Variants in MARCHF1 observed in about 807,000 individuals in gnomAD.
MARCHF1 encodes E3 ubiquitin-protein ligase MARCHF1.
MARCHF1 carries 40 observed loss-of-function variants against 54.2 expected under a neutral mutation model. The ratio of observed to expected loss-of-function variants is 0.74; its 90% confidence interval spans 0.57 to 0.96. The LOEUF (loss-of-function observed/expected upper bound fraction) is 0.96. Ranked by LOEUF, MARCHF1 falls within the 40% of genes least tolerant of loss-of-function variation. The pLI is 0.00. For synonymous variants in MARCHF1, 236 were observed against 236.3 expected (o/e 1.00, Z 0.01); for missense variants, 586 against 656.5 (o/e 0.89, Z 1.17).
chr4:164,032,013 T>C (rs142357077), intron 2 of MARCHF1, among the ~76,000 whole-genome samples: 2 of 152,266 alleles, frequency 1.3e-5, no homozygotes, highest in South Asian at 4.1e-4. Flanking sequence ...TTTCAGAACT[T>C]TTTATTGGAC....
intron 1 of MARCHF1, among the ~76,000 whole-genome samples, chr4:164,266,959 G>T (rs1733625804): frequency 6.6e-6 from 1 of 152,170 alleles, no homozygotes; most frequent in South Asian, 2.1e-4. Context: ...TACTGAATAA[G>T]CTGCTAAGGT....
At chr4:164,050,706 G>T (rs1754345965) in intron 2 of MARCHF1, among the ~76,000 whole-genome samples, 1 of 152,126 alleles carries the variant, frequency 6.6e-6, no homozygotes, top group South Asian at 2.1e-4. Flanking sequence ...GCTAAGGCGG[G>T]CGGATCACCT....
At chr4:163,918,246 T>G (rs1233332970) in intron 3 of MARCHF1, among the ~76,000 whole-genome samples, 1 of 152,104 alleles carries the variant, frequency 6.6e-6, no homozygotes, top group Non-Finnish European at 1.5e-5. Context: ...TGGACCATTT[T>G]TAATAGATTT....
At chr4:163,984,895 G>A (rs531581933) in intron 3 of MARCHF1, among the ~76,000 whole-genome samples, 1 of 152,082 alleles carries the variant, frequency 6.6e-6, no homozygotes, top group African/African-American at 2.4e-5. Flanking sequence ...AACCAGAAAA[G>A]AAAAAGAAAT....
chr4:163,964,668 C>T (rs1423275140), intron 3 of MARCHF1, among the ~76,000 whole-genome samples: 1 of 151,392 alleles, frequency 6.6e-6, no homozygotes, highest in African/African-American at 2.4e-5. Context: ...ACTTTCTTAT[C>T]CTCTGCTTCT....
chr4:164,125,430 C>T (rs1453162420), intron 1 of MARCHF1, among the ~76,000 whole-genome samples: 1 of 152,112 alleles, frequency 6.6e-6, no homozygotes, highest in Non-Finnish European at 1.5e-5. Flanking sequence ...ACACAATATA[C>T]TTCATTGAGG....
chr4:164,311,547 T>C (rs1469363874), intron 1 of MARCHF1, among the ~76,000 whole-genome samples: 1 of 152,208 alleles, frequency 6.6e-6, no homozygotes, highest in African/African-American at 2.4e-5. Flanking sequence ...CAATACGACA[T>C]TTAAAAAGAA....
intron 4 of MARCHF1, among the ~76,000 whole-genome samples, chr4:163,718,703 T>G (rs1462017126): frequency 1.3e-5 from 2 of 152,178 alleles, no homozygotes; most frequent in Non-Finnish European, 2.9e-5. Flanking sequence ...TTATACTTTG[T>G]TTTTTCCAAG....
intron 8 of MARCHF1, among the ~76,000 whole-genome samples, chr4:163,579,566 T>C (rs1336504657): frequency 1.3e-5 from 2 of 152,224 alleles, no homozygotes; most frequent in African/African-American, 4.8e-5. Flanking sequence ...AAATTTGTTG[T>C]GAAAAACTTA....
intron 1 of MARCHF1, among the ~76,000 whole-genome samples, chr4:164,272,931 G>A (rs1317818449): frequency 6.6e-6 from 1 of 151,872 alleles, no homozygotes; most frequent in East Asian, 1.9e-4. Context: ...TTAAGTAGAT[G>A]TATGTACATG....
At chr4:164,114,563 T>G (rs901308782) in intron 1 of MARCHF1, among the ~76,000 whole-genome samples, 1 of 151,680 alleles carries the variant, frequency 6.6e-6, no homozygotes, top group Non-Finnish European at 1.5e-5. Flanking sequence ...AATGCTGTGT[T>G]AAAATTTGCT....
At chr4:163,906,880 T>C (rs1751080790) in intron 3 of MARCHF1, among the ~76,000 whole-genome samples, 1 of 151,926 alleles carries the variant, frequency 6.6e-6, no homozygotes, top group South Asian at 2.1e-4. Context: ...ACTAATGTTA[T>C]TGTATGCTTT....
chr4:164,029,006 TGAG>T (rs1753824552), intron 2 of MARCHF1, among the ~76,000 whole-genome samples: 1 of 152,202 alleles, frequency 6.6e-6, no homozygotes, highest in Non-Finnish European at 1.5e-5. Flanking sequence ...ATATGATACT[TGAG>T]GTGATTTTCT....
chr4:163,716,692 C>T (rs1034386115), intron 4 of MARCHF1, among the ~76,000 whole-genome samples: 2 of 152,166 alleles, frequency 1.3e-5, no homozygotes, highest in Admixed American at 1.3e-4. Flanking sequence ...CACCAGTGGG[C>T]AGCTGGCAGG....
chr4:164,059,350 C>T (rs551709339), intron 2 of MARCHF1, among the ~76,000 whole-genome samples: 2 of 152,206 alleles, frequency 1.3e-5, no homozygotes, highest in African/African-American at 2.4e-5. Context: ...CTCTTAGCAA[C>T]GTGATATGCA....
chr4:163,706,197 T>C (rs142437674), intron 4 of MARCHF1, among the ~76,000 whole-genome samples: 4 of 152,168 alleles, frequency 2.6e-5, no homozygotes, highest in African/African-American at 4.8e-5. Flanking sequence ...GAATCTCCCA[T>C]ATAATTTCTT....
At chr4:164,150,262 TA>T (rs1729894627) in intron 1 of MARCHF1, among the ~76,000 whole-genome samples, 1 of 152,156 alleles carries the variant, frequency 6.6e-6, no homozygotes, top group African/African-American at 2.4e-5. Flanking sequence ...ACTTTATTTT[TA>T]AAAACTTTGG....
At chr4:163,839,510 C>T (rs57289456) in intron 4 of MARCHF1, among the ~76,000 whole-genome samples, 6 of 151,984 alleles carry the variant, frequency 3.9e-5, no homozygotes, top group African/African-American at 9.7e-5. Flanking sequence ...ATTCATACAA[C>T]GAAATATTAT....
chr4:164,182,092 T>C (rs1251242573), intron 1 of MARCHF1, among the ~76,000 whole-genome samples: 1 of 152,076 alleles, frequency 6.6e-6, no homozygotes, highest in East Asian at 1.9e-4. Context: ...AATTCACAGA[T>C]AAACATTACA....
Sources: allele counts gnomAD v4.1 joint callset (sites outside exome capture counted in the v4.1 genomes callset), GRCh38; gene constraint gnomAD v4.1.1; transcripts MANE v1.5; gene names NCBI Gene and HGNC (gene_info 2026-07-23, HGNC 2026-07-21).